The following SCAMP4 variants were observed in gnomAD, a reference collection of about 807,000 sequenced individuals.
The protein encoded by SCAMP4 is secretory carrier membrane protein 4, also known as secretory carrier-associated membrane protein 4.
Under a neutral mutation model 32.1 loss-of-function variants are expected in SCAMP4, and 19 were observed. That is an observed-to-expected ratio of 0.59 (90% confidence interval 0.41 to 0.87). SCAMP4 has a LOEUF of 0.87. Ranked by LOEUF, SCAMP4 falls within the 40% of genes least tolerant of loss-of-function variation. SCAMP4 has a pLI of 0.00. For synonymous variants in SCAMP4, 152 were observed against 132.7 expected, an observed-to-expected ratio of 1.15 and a Z score of -1.00; for missense variants, 302 against 309.0, an observed-to-expected ratio of 0.98 and a Z score of 0.17.
chr19:1,915,003 T>A lies in SCAMP4; in HGVS notation c.-17T>A. 1 of 1,613,874 alleles carries A rather than the reference T, an allele frequency of 6.2e-7. No homozygotes were observed. Among genetic ancestry groups the A allele is most frequent in the Non-Finnish European group, 8.5e-7 (1 of 1,179,834 alleles). On this transcript the variant is annotated 5_prime_UTR_variant, in exon 2 of 7. Transcript: ENST00000316097. ...GGCGGCTGCAGGCTTCAGCCTGCGC[T>A]GGTTGGTGAAACAGAGATGTCAGGT... is the stretch of plus-strand genomic sequence containing the variant.
Position 1,917,821 on chromosome 19 carries a change from G to A in SCAMP4, c.135G>A (p.Met45Ile). 1 of 1,613,956 alleles carries A rather than the reference G, an allele frequency of 6.2e-7. No individual in the cohort carries two copies. The highest frequency in any genetic ancestry group is 1.1e-5 in the South Asian group (1 of 91,088). ...VLVKRIYRLW[M>I]FYCATLGVNL... ...TGAAGAGGATCTACCGGCTGTGGAT[G>A]TGTGAGTGCGCCTGGGGGCAGGAGG... Residue 45 changes from methionine (M) to isoleucine (I), a missense_variant and splice_region_variant, in exon 3 of 7, where the codon ATG becomes ATA. Coordinates refer to ENST00000316097, the MANE Select transcript of SCAMP4 (RefSeq NM_079834.4).
chr19:1,921,615 G>C (rs1045069546), intron 5 of SCAMP4: 9 of 985,476 alleles, frequency 9.1e-6, no homozygotes, highest in Non-Finnish European at 9.6e-6. Flanking sequence ...GCGGCGGCAG[G>C]AGTCCTCAAA....
chr19:1,916,818 G>A (rs114562153), intron 2 of SCAMP4, among the ~76,000 whole-genome samples: 15 of 152,324 alleles, frequency 9.8e-5, no homozygotes, highest in East Asian at 3.9e-4. Context: ...CATGGGGAAC[G>A]GAAGCGTCCC....
intron 3 of SCAMP4, 71 bp downstream of exon 3, chr19:1,917,893 G>C (rs2013785425): frequency 6.3e-7 from 1 of 1,589,920 alleles, no homozygotes; most frequent in Non-Finnish European, 8.6e-7. Context: ...TGGCATTCAG[G>C]CAGGGGCAGC....
At chr19:1,907,392 A>AAAAT (rs10644945) in intron 1 of SCAMP4, among the ~76,000 whole-genome samples, 2 of 74,596 alleles carry the variant, frequency 2.7e-5, no homozygotes, top group African/African-American at 1.8e-4. Context: ...GCCCTGCCTT[A>AAAAT]AAAAAAAAAA....
intron 5 of SCAMP4, chr19:1,921,027 A>G (rs1278477869): frequency 2.0e-6 from 2 of 985,328 alleles, no homozygotes; most frequent in African/African-American, 3.5e-5. Flanking sequence ...CTCTTGAGAA[A>G]GAAACCCAGC....
intron 5 of SCAMP4, chr19:1,921,081 A>G (rs748107035): frequency 4.3e-4 from 422 of 985,256 alleles, no homozygotes; most frequent in Non-Finnish European, 4.9e-4. Flanking sequence ...AGAGAAATCA[A>G]ACCACAGCGC....
rs56079725 is a variant in SCAMP4, at chr19:1,907,406, G to T, written c.-42+1967G>T. ...AGCCCTGCCTTAAAAAAAAAAAAAAGGTAGAGCAGGAATTCCCATTTCACA... is the reference window on the plus strand; with the variant it reads ...AGCCCTGCCTTAAAAAAAAAAAAAATGTAGAGCAGGAATTCCCATTTCACA... On this transcript the variant is annotated intron_variant, in intron 1 of 6. Transcript: ENST00000316097. Among the ~76,000 whole-genome samples the T allele has an allele frequency of 5.3e-3, 689 of 130,756 alleles. 7 individuals carry two copies. Among genetic ancestry groups the T allele is most frequent in the African/African-American group, 0.022 (661 of 30,466 alleles). 85.8% of individuals were successfully genotyped at this position (130,756 alleles called of 152,430 possible).
chr19:1,921,327 G>A (rs1599255846), intron 5 of SCAMP4: 21 of 985,306 alleles, frequency 2.1e-5, no homozygotes, highest in Non-Finnish European at 2.5e-5. Flanking sequence ...CATGAGCCAC[G>A]GCAGCATCTG....
chr19:1,922,795 T>G, intron 5 of SCAMP4: 1 of 1,114,566 alleles, frequency 9.0e-7, no homozygotes, highest in Non-Finnish European at 1.1e-6. Flanking sequence ...GCTGCGATGG[T>G]GAAGGGATAA....
Position 1,924,363 on chromosome 19 carries a change from A to G in SCAMP4, c.*79A>G. On this transcript the variant is annotated 3_prime_UTR_variant, in exon 7 of 7. Transcript: ENST00000316097. ...GCTACCCCTGGTCCCGAGGGCTGGGAGTACCTGGGGCCCCATCCCCCCAGC... is the reference window on the plus strand; with the variant it reads ...GCTACCCCTGGTCCCGAGGGCTGGGGGTACCTGGGGCCCCATCCCCCCAGC... The G allele has an allele frequency of 7.1e-7, 1 of 1,413,968 alleles. No individual in the cohort carries two copies. Among genetic ancestry groups the G allele is most frequent in the Non-Finnish European group, 9.6e-7 (1 of 1,046,748 alleles). 87.6% of individuals were successfully genotyped at this position (1,413,968 alleles called of 1,614,324 possible). A position where few individuals can be genotyped will look rare whatever the true frequency, so the allele number is the denominator to read the frequency against.
At chr19:1,912,366 G>C in intron 1 of SCAMP4, 1 of 1,527,154 alleles carries the variant, frequency 6.5e-7, no homozygotes, top group East Asian at 2.6e-5. Flanking sequence ...CCACGCCCTG[G>C]AGATGCTGCT....
At chr19:1,917,544 C>T (rs2145450076) in intron 2 of SCAMP4, 150 bp from the exon 3 acceptor site, 2 of 786,034 alleles carry the variant, frequency 2.5e-6, no homozygotes, top group East Asian at 5.4e-5. Context: ...GCCACGAGGA[C>T]CCTCTCCTGT....
chr19:1,918,776 A>C, intron 4 of SCAMP4, 113 bp from the exon 5 acceptor site: 2 of 1,293,118 alleles, frequency 1.5e-6, no homozygotes, highest in South Asian at 3.0e-5. Flanking sequence ...AAAAAAAAAA[A>C]GGAATAAAAT....
intron 1 of SCAMP4, among the ~76,000 whole-genome samples, chr19:1,911,155 G>A (rs113813142): frequency 0.15 from 22,939 of 151,898 alleles, 1,952 homozygotes; most frequent in East Asian, 0.25. Flanking sequence ...GATTACAGGC[G>A]TGAGCCACCG....
Position 1,924,706 on chromosome 19 carries a change from C to A in SCAMP4, c.*422C>A, listed in dbSNP as rs2014044285. ...GGGTCTGATGGGGAGCTCCGTCTCA[C>A]CGGCCACCCGCCGTCACCATGGCAG... On this transcript the variant is annotated 3_prime_UTR_variant, in exon 7 of 7. Transcript: ENST00000316097. 1 of 207,140 alleles carries A rather than the reference C, an allele frequency of 4.8e-6. No individual in the cohort carries two copies. Among genetic ancestry groups the A allele is most frequent in the African/African-American group, 2.2e-5 (1 of 44,574 alleles). 12.8% of individuals were successfully genotyped at this position (207,140 alleles called of 1,614,324 possible).
chr19:1,912,339 C>T, intron 1 of SCAMP4: 8 of 1,534,896 alleles, frequency 5.2e-6, no homozygotes, highest in Non-Finnish European at 7.0e-6. Context: ...GCGGCCCAGC[C>T]GCGATGCCGG....
Position 1,908,622 on chromosome 19 carries a change from CTG to C in SCAMP4, c.-42+3186_-42+3187del, listed in dbSNP as rs1264873791. 2 of 469,806 alleles carry C rather than the reference CTG, an allele frequency of 4.3e-6. No homozygotes were observed. Among genetic ancestry groups the C allele is most frequent in the Admixed American group, 2.4e-5 (1 of 42,266 alleles). The allele number at this position is 469,806 out of a possible 1,614,324, so 29.1% of individuals were successfully genotyped here. A position where few individuals can be genotyped will look rare whatever the true frequency, so the allele number is the denominator to read the frequency against. ...AGGCAGTACTGTCTGCTAGAAATAA[CTG>C]TGAGCACACAGGTAGTAAGGTTTTT... is the stretch of plus-strand genomic sequence containing the variant. On this transcript the variant is annotated intron_variant, in intron 1 of 6. Transcript: ENST00000316097. The surrounding 1 kb of genome is among the most constrained non-coding windows in gnomAD (Gnocchi z 4.2).
intron 2 of SCAMP4, chr19:1,915,361 C>T (rs371593152): frequency 1.8e-5 from 8 of 435,932 alleles, no homozygotes; most frequent in African/African-American, 1.2e-4. Context: ...TACTGGCAGC[C>T]TTCCCCAGTG....
Sources: gnomAD v4.1 joint callset for allele counts (sites outside exome capture counted in the v4.1 genomes callset) on GRCh38, gnomAD v4.1.1 for gene constraint, Gnocchi (gnomAD v3.1) non-coding constraint, MANE v1.5 for transcripts, NCBI Gene and HGNC (gene_info 2026-07-23, HGNC 2026-07-21) for gene names.